The following PTGES2 variants were observed in gnomAD, a reference collection of about 807,000 sequenced individuals.
PTGES2 encodes the protein GATE-binding factor 1.
A neutral mutation model predicts 44.5 loss-of-function variants in PTGES2; 35 were observed. That is an observed-to-expected ratio of 0.79 (90% CI 0.60 to 1.04). The LOEUF (loss-of-function observed/expected upper bound fraction) is 1.04, where lower values mean the gene tolerates loss of function less well. Among genes scored for constraint, PTGES2 ranks in the 50% least tolerant of loss-of-function variants. PTGES2 has a pLI of 0.00. For missense variants in PTGES2, 517 were observed against 521.4 expected (o/e 0.99, Z 0.08); for synonymous variants, 221 against 227.5 (o/e 0.97, Z 0.26).
At chr9:128,127,803 C>T, upstream of PTGES2, 1 of 1,186,430 alleles carries the variant, frequency 8.4e-7, no homozygotes, top group Non-Finnish European at 1.1e-6. Context: ...ACTCTGGCGC[C>T]CCGCGGGTTG....
At chr9:128,125,767 C>T (rs953766728) in intron 1 of PTGES2, among the ~76,000 whole-genome samples, 9 of 152,206 alleles carry the variant, frequency 5.9e-5, no homozygotes, top group African/African-American at 2.2e-4. Flanking sequence ...CCAGGGTATA[C>T]ACCCCACTCC....
chr9:128,121,405 C>T lies in PTGES2; in HGVS notation c.1006-132G>A, dbSNP rs1834406697. On this transcript the variant is annotated intron_variant, in intron 6 of 6. Transcript: ENST00000338961. ...AGCTCGTGACCCACTCAAGGGCCAA[C>T]AGCACAGGTGAGGGTTTGAACAAAG... 3.5e-6 allele frequency: 4 copies of T among 1,129,346 alleles called. No homozygotes were observed. In the South Asian group the frequency reaches 6.3e-5, roughly 18 times the overall value. The allele number at this position is 1,129,346 out of a possible 1,614,324, so 70.0% of individuals were successfully genotyped here. A position where few individuals can be genotyped will look rare whatever the true frequency, so the allele number is the denominator to read the frequency against.
At position 128,122,893 on chromosome 9, in the gene PTGES2, G is replaced by A. The variant is rs753468546; in HGVS notation, c.887+41C>T. 6.2e-6 allele frequency: 10 copies of A among 1,600,480 alleles called. No homozygotes were observed. In the South Asian group the frequency reaches 1.1e-4, roughly 18 times the overall value. On this transcript the variant is annotated intron_variant, in intron 5 of 6. Transcript: ENST00000338961. ...GATCACCACTGCTCGTGGCACCGGA[G>A]GCTCGGGGACAGCAGGCCCCGGATG... is the stretch of plus-strand genomic sequence containing the variant.
chr9:128,123,011 G>A lies in PTGES2; in HGVS notation c.810C>T (p.Phe270=), dbSNP rs757254174. 2.7e-5 allele frequency: 43 copies of A among 1,613,838 alleles called. No individual in the cohort carries two copies. Among genetic ancestry groups the A allele is most frequent in the Middle Eastern group, 1.6e-4 (1 of 6,084 alleles). The change falls in exon 5 of 7, where the codon TTC becomes TTT. Residue 270 remains phenylalanine (F), a synonymous_variant. Transcript: ENST00000338961. The surrounding 1 kb of genome is among the most constrained non-coding windows in gnomAD (Gnocchi z 4.4). ...TGGCCACGGCACCCTCCACGGCTCC[G>A]AACTTGCCCTCGCGGACAATGTAGT... ...SFDYIVREGK[F]GAVEGAVAKY... is the part of the protein sequence containing the mutation.
chr9:128,124,626 C>G (rs1010563795), intron 2 of PTGES2, 76 bp from the exon 3 acceptor site: 1 of 1,488,252 alleles, frequency 6.7e-7, no homozygotes, highest in African/African-American at 1.4e-5. Flanking sequence ...TTTAACAAGA[C>G]ACTCTGGGCA....
At chr9:128,128,146 C>T, upstream of PTGES2, 1 of 333,816 alleles carries the variant, frequency 3.0e-6, no homozygotes, top group South Asian at 2.1e-5. Flanking sequence ...ACTGAAAGCC[C>T]CGGAAACGAC....
chr9:128,121,565 G>A (rs1174514078), intron 6 of PTGES2, among the ~76,000 whole-genome samples: 1 of 152,228 alleles, frequency 6.6e-6, no homozygotes, highest in Non-Finnish European at 1.5e-5. Context: ...GGGGAGAAGA[G>A]ACCCCACCAC....
chr9:128,124,067 G>A (rs1377427471), intron 3 of PTGES2, among the ~76,000 whole-genome samples: 3 of 152,026 alleles, frequency 2.0e-5, no homozygotes, highest in Non-Finnish European at 4.4e-5. Flanking sequence ...GGACGGCCAC[G>A]GGCTACTCTG....
At chr9:128,122,632 T>A in intron 5 of PTGES2, 153 bp from the exon 6 acceptor site, 1 of 673,800 alleles carries the variant, frequency 1.5e-6, no homozygotes, top group Non-Finnish European at 2.5e-6. Flanking sequence ...GGAGCATCCG[T>A]CCCAGACGGG....
chr9:128,126,057 A>G (rs1467409777), intron 1 of PTGES2, among the ~76,000 whole-genome samples: 2 of 152,184 alleles, frequency 1.3e-5, no homozygotes, highest in Non-Finnish European at 2.9e-5. Context: ...GGAGGGTGGT[A>G]TCTGAGCCAA....
chr9:128,122,548 T>A, intron 5 of PTGES2, 69 bp from the exon 6 acceptor site: 1 of 1,372,816 alleles, frequency 7.3e-7, no homozygotes, highest in South Asian at 1.2e-5. Context: ...GAGGGTCTCC[T>A]CTGGGGAGAG....
In PTGES2 at chr9:128,120,849, C is replaced by T. The variant is rs1028713425; in HGVS notation, c.*296G>A. 11 of 425,442 alleles carry T rather than the reference C, an allele frequency of 2.6e-5. No individual in the cohort carries two copies. The highest frequency in any genetic ancestry group is 2.1e-4 in the African/African-American group (10 of 48,302). 26.4% of individuals were successfully genotyped at this position (425,442 alleles called of 1,614,324 possible). A position where few individuals can be genotyped will look rare whatever the true frequency, so the allele number is the denominator to read the frequency against. ...CCTGCTGTCCTGTCGAGGGCCCCCACCCACAGGATGTAGCCATGGGACAGC... is the reference window on the plus strand; with the variant it reads ...CCTGCTGTCCTGTCGAGGGCCCCCATCCACAGGATGTAGCCATGGGACAGC... On this transcript the variant is annotated 3_prime_UTR_variant, in exon 7 of 7. Coordinates refer to ENST00000338961, the MANE Select transcript of PTGES2 (RefSeq NM_025072.7).
chr9:128,128,381 C>A (rs781715079), upstream of PTGES2: 12 of 456,006 alleles, frequency 2.6e-5, no homozygotes, highest in African/African-American at 2.2e-4. Flanking sequence ...TGGGCTCCCC[C>A]GCCCTAGCTG....
Position 128,124,534 on chromosome 9 carries a change from G to A in PTGES2, c.494C>T (p.Ser165Phe), listed in dbSNP as rs1393554121. Reference protein sequence around the residue: ...EGESSQQLNDSSVIISALKTY... With the variant: ...EGESSQQLNDFSVIISALKTY... ...CTTGAGGGCGCTGATGATGACAGAGGAGTCATTTAGTTGTTGCTGGAAGAG... is the reference window on the plus strand; with the variant it reads ...CTTGAGGGCGCTGATGATGACAGAGAAGTCATTTAGTTGTTGCTGGAAGAG... The change falls in exon 3 of 7, where the codon TCC becomes TTC. Residue 165 changes from serine (S) to phenylalanine (F), a missense_variant. Transcript: ENST00000338961. 6.2e-7 allele frequency: 1 copy of A among 1,613,702 alleles called. No homozygotes were observed. The highest frequency in any genetic ancestry group is 1.7e-5 in the Admixed American group (1 of 60,006).
chr9:128,122,846 G>C (rs1722675527), intron 5 of PTGES2, 88 bp downstream of exon 5: 5 of 1,413,982 alleles, frequency 3.5e-6, no homozygotes, highest in Non-Finnish European at 4.0e-6. Context: ...GCCTCCCGCT[G>C]GTCTCCTGAG....
chr9:128,122,217 C>T (rs1421257631), intron 6 of PTGES2, 145 bp downstream of exon 6: 24 of 688,694 alleles, frequency 3.5e-5, no homozygotes, highest in African/African-American at 5.4e-5. Flanking sequence ...GGAGCCACTT[C>T]GAGGCGAGTT....
intron 1 of PTGES2, 37 bp downstream of exon 1, chr9:128,127,402 G>A: frequency 7.5e-7 from 1 of 1,332,606 alleles, no homozygotes; most frequent in Non-Finnish European, 9.6e-7. Flanking sequence ...GTTCGGCGCT[G>A]ATCAGCATCC....
At chr9:128,126,349 TA>T (rs1232374821) in intron 1 of PTGES2, among the ~76,000 whole-genome samples, 5 of 151,974 alleles carry the variant, frequency 3.3e-5, no homozygotes, top group Non-Finnish European at 1.5e-5. Flanking sequence ...GGCCACCACT[TA>T]GGGGGTCACC....
chr9:128,126,750 C>G (rs1834631956), intron 1 of PTGES2, among the ~76,000 whole-genome samples: 1 of 151,846 alleles, frequency 6.6e-6, no homozygotes, highest in African/African-American at 2.4e-5. Context: ...ATCCCAGCTA[C>G]TGGGGAGGCT....
Sources: gnomAD v4.1 joint callset for allele counts (sites outside exome capture counted in the v4.1 genomes callset) on GRCh38, gnomAD v4.1.1 for gene constraint, Gnocchi (gnomAD v3.1) non-coding constraint, MANE v1.5 for transcripts, NCBI Gene and HGNC (gene_info 2026-07-23, HGNC 2026-07-21) for gene names.